SHROOM2: variants seen among roughly 807,000 people sequenced by gnomAD.
SHROOM2 encodes the protein protein Shroom2.
Under a neutral mutation model 75.9 loss-of-function variants are expected in SHROOM2, and 33 were observed. The ratio of observed to expected loss-of-function variants is 0.43; its 90% confidence interval spans 0.33 to 0.58. SHROOM2 has a LOEUF of 0.58. Ranked by LOEUF, SHROOM2 falls within the 20% of genes least tolerant of loss-of-function variation. The pLI is 0.04. For missense variants in SHROOM2, 1,434 were observed against 1,461.2 expected (o/e 0.98, Z 0.30); for synonymous variants, 655 against 663.6 (o/e 0.99, Z 0.20).
intron 8 of SHROOM2, 32 bp downstream of exon 8, chrX:9,939,398 G>A (rs905863799): frequency 4.4e-6 from 5 of 1,146,876 alleles, no homozygotes; most frequent in Non-Finnish European, 5.9e-6. Context: ...GACAGCGTGT[G>A]CGTGTCCAGG....
intron 1 of SHROOM2, among the ~76,000 whole-genome samples, chrX:9,826,193 C>CT (rs2083886727): frequency 8.9e-6 from 1 of 112,122 alleles, no homozygotes; most frequent in African/African-American, 3.2e-5. Flanking sequence ...CCATCATGAC[C>CT]TTTGTCACTT....
At chrX:9,934,875 T>C (rs903960489) in intron 6 of SHROOM2, among the ~76,000 whole-genome samples, 1 of 111,156 alleles carries the variant, frequency 9.0e-6, no homozygotes, top group Non-Finnish European at 1.9e-5. Context: ...TGGGTTCAAG[T>C]GATTCTGCTG....
intron 1 of SHROOM2, among the ~76,000 whole-genome samples, chrX:9,850,831 C>CA (rs757769302): frequency 0.01 from 787 of 76,236 alleles, 13 homozygotes; most frequent in African/African-American, 0.035. Context: ...GACTCTGTGT[C>CA]AAAAAAAAAA....
intron 1 of SHROOM2, among the ~76,000 whole-genome samples, chrX:9,858,139 A>T (rs1228271203): frequency 8.9e-6 from 1 of 111,967 alleles, no homozygotes; most frequent in African/African-American, 3.2e-5. Flanking sequence ...GAGATCATCC[A>T]TATGTTACCC....
chrX:9,844,658 T>TA (rs1218305600), intron 1 of SHROOM2, among the ~76,000 whole-genome samples: 2 of 109,869 alleles, frequency 1.8e-5, no homozygotes, highest in Admixed American at 9.8e-5. Context: ...ACTAAAATTA[T>TA]AAAAAAATTA....
At chrX:9,926,635 G>A (rs1602007661) in intron 5 of SHROOM2, among the ~76,000 whole-genome samples, 1 of 111,653 alleles carries the variant, frequency 9.0e-6, no homozygotes, top group African/African-American at 3.3e-5. Context: ...TTCAGAGTCC[G>A]GAATGACGGA....
intron 1 of SHROOM2, among the ~76,000 whole-genome samples, chrX:9,853,756 C>T (rs2084052520): frequency 8.9e-6 from 1 of 111,922 alleles, no homozygotes; most frequent in Non-Finnish European, 1.9e-5. Flanking sequence ...GGTGAGGCTT[C>T]AACATATCTT....
chrX:9,907,105 C>T (rs747829930), intron 5 of SHROOM2, among the ~76,000 whole-genome samples: 50 of 111,325 alleles, frequency 4.5e-4, no homozygotes, highest in African/African-American at 1.4e-3. Flanking sequence ...AGGGGCCTTT[C>T]GCTTCTCCAC....
At chrX:9,896,977 C>T (rs1376959904) in intron 4 of SHROOM2, among the ~76,000 whole-genome samples, 1 of 112,288 alleles carries the variant, frequency 8.9e-6, no homozygotes, top group African/African-American at 3.2e-5. Flanking sequence ...TAGCTTGCTC[C>T]TACCTTCATA....
intron 5 of SHROOM2, among the ~76,000 whole-genome samples, chrX:9,904,572 G>A (rs1437609087): frequency 3.6e-5 from 4 of 111,869 alleles, no homozygotes; most frequent in South Asian, 3.8e-4. Context: ...CCCGTAGCAC[G>A]TGCTGACGTG....
At chrX:9,869,597 A>C (rs1381089134) in intron 1 of SHROOM2, among the ~76,000 whole-genome samples, 1 of 112,269 alleles carries the variant, frequency 8.9e-6, no homozygotes, top group Non-Finnish European at 1.9e-5. Context: ...TTCACTTAGC[A>C]TAATGTCCTC....
At chrX:9,892,254 T>TAA (rs747599801) in intron 3 of SHROOM2, among the ~76,000 whole-genome samples, 1,110 of 78,903 alleles carry the variant, frequency 0.014, 33 homozygotes, top group African/African-American at 0.05. Flanking sequence ...CCTCGTCTCT[T>TAA]AAAAAAAAAA....
At chrX:9,792,278 G>C (rs2083670083) in intron 1 of SHROOM2, among the ~76,000 whole-genome samples, 1 of 110,740 alleles carries the variant, frequency 9.0e-6, no homozygotes, top group South Asian at 3.8e-4. Flanking sequence ...TTATGGGTGT[G>C]AATGTTCCAG....
intron 1 of SHROOM2, among the ~76,000 whole-genome samples, chrX:9,807,841 G>C (rs1479053582): frequency 8.9e-6 from 1 of 111,863 alleles, no homozygotes; most frequent in Non-Finnish European, 1.9e-5. Context: ...AGGCTGCCAG[G>C]CTCCTGCTGC....
chrX:9,856,511 T>TA (rs2084071146), intron 1 of SHROOM2, among the ~76,000 whole-genome samples: 1 of 112,083 alleles, frequency 8.9e-6, no homozygotes, highest in African/African-American at 3.2e-5. Context: ...TGAGTGTTGG[T>TA]TTTTAAGTTA....
intron 1 of SHROOM2, among the ~76,000 whole-genome samples, chrX:9,867,229 G>A (rs1019909973): frequency 9.0e-6 from 1 of 111,153 alleles, no homozygotes; most frequent in Admixed American, 9.6e-5. Context: ...AACTCTAATC[G>A]GGGCCATAAG....
At chrX:9,911,268 T>C (rs1448961074) in intron 5 of SHROOM2, among the ~76,000 whole-genome samples, 2 of 111,726 alleles carry the variant, frequency 1.8e-5, no homozygotes, top group Non-Finnish European at 3.8e-5. Flanking sequence ...CATGGGGATA[T>C]GCAGAGCAAC....
intron 1 of SHROOM2, among the ~76,000 whole-genome samples, chrX:9,805,362 C>T (rs2083745682): frequency 8.8e-6 from 1 of 113,079 alleles, no homozygotes; most frequent in Non-Finnish European, 1.9e-5. Context: ...TAGGTTTATA[C>T]AGTTGTTATT....
chrX:9,855,295 TAAAA>T (rs57235424), intron 1 of SHROOM2, among the ~76,000 whole-genome samples: 3 of 39,300 alleles, frequency 7.6e-5, no homozygotes, highest in African/African-American at 1.9e-4. Flanking sequence ...TAAAGTATAG[TAAAA>T]AAAAAAAAAA....
Sources: gnomAD v4.1 joint callset for allele counts (sites outside exome capture counted in the v4.1 genomes callset) on GRCh38, gnomAD v4.1.1 for gene constraint, MANE v1.5 for transcripts, NCBI Gene and HGNC (gene_info 2026-07-23, HGNC 2026-07-21) for gene names.